The following GIMAP8 variants were observed in gnomAD, a reference collection of about 807,000 sequenced individuals.
The protein encoded by GIMAP8 is GTPase IMAP family member 8.
Under a neutral mutation model 35.6 loss-of-function variants are expected in GIMAP8, and 29 were observed. The ratio of observed to expected loss-of-function variants is 0.81; its 90% CI spans 0.61 to 1.11. The LOEUF (loss-of-function observed/expected upper bound fraction) is 1.11. Among genes scored for constraint, GIMAP8 ranks in the 50% most tolerant of loss-of-function variants. GIMAP8 has a pLI of 0.00. For synonymous variants in GIMAP8, 335 were observed against 308.7 expected (o/e 1.09, Z -0.89); for missense variants, 811 against 805.0 (o/e 1.01, Z -0.09).
At chr7:150,475,266 A>C (rs1802203326) in intron 4 of GIMAP8, among the ~76,000 whole-genome samples, 1 of 152,160 alleles carries the variant, frequency 6.6e-6, no homozygotes, top group South Asian at 2.1e-4. Flanking sequence ...ACCTGTACCT[A>C]AAATAAAAGT....
chr7:150,469,912 C>T (rs753094506), intron 2 of GIMAP8, among the ~76,000 whole-genome samples: 4 of 152,152 alleles, frequency 2.6e-5, no homozygotes, highest in Non-Finnish European at 4.4e-5. Flanking sequence ...TACAGATGTA[C>T]AGAATGCATT....
At chr7:150,474,952 C>T (rs1802194164) in intron 4 of GIMAP8, among the ~76,000 whole-genome samples, 1 of 151,718 alleles carries the variant, frequency 6.6e-6, no homozygotes, top group Non-Finnish European at 1.5e-5. Context: ...TCAATTCCCA[C>T]CTATGAGTGA....
rs150434802 is a variant in GIMAP8, at chr7:150,475,853, C to A, written c.1309+1215C>A. Among the ~76,000 whole-genome samples, 66 of 152,190 alleles carry A rather than the reference C, an allele frequency of 4.3e-4. No homozygotes were observed. The East Asian group carries it at 0.01, about 24-fold the overall frequency. Reference sequence around the variant, plus strand: ...GAAGATATTCCAGAGAGTACACCAGCAATTTGAAGCAAAGAGGTAGGACTA... The same window carrying A: ...GAAGATATTCCAGAGAGTACACCAGAAATTTGAAGCAAAGAGGTAGGACTA... On this transcript the variant is annotated intron_variant, in intron 4 of 4. Transcript: ENST00000307271.
chr7:150,457,782 A>G (rs1801760754), intron 1 of GIMAP8, among the ~76,000 whole-genome samples: 1 of 152,248 alleles, frequency 6.6e-6, no homozygotes, highest in African/African-American at 2.4e-5. Flanking sequence ...CCCCTGTCAG[A>G]TTGGCAAGAT....
Position 150,474,120 on chromosome 7 carries a change from G to A in GIMAP8, c.791G>A (p.Gly264Glu), listed in dbSNP as rs1165066384. The change falls in exon 4 of 5, where the codon GGA becomes GAA. Residue 264 changes from glycine (G) to glutamate (E), a missense_variant. Transcript: ENST00000307271. ...GKRGAGKSAA[G>E]NSILGRQAFQ... is the part of the protein sequence containing the mutation. Reference sequence around the variant, plus strand: ...CGCGGTGCTGGAAAAAGTGCAGCAGGAAACAGCATTCTGGGGAGGCAGGCC... The same window carrying A: ...CGCGGTGCTGGAAAAAGTGCAGCAGAAAACAGCATTCTGGGGAGGCAGGCC... The A allele has an allele frequency of 6.2e-7, 1 of 1,614,184 alleles. No homozygotes were observed. Among genetic ancestry groups the A allele is most frequent in the Non-Finnish European group, 8.5e-7 (1 of 1,180,040 alleles).
chr7:150,472,156 G>A lies in GIMAP8; in HGVS notation c.682+1282G>A, dbSNP rs905219676. On this transcript the variant is annotated intron_variant, in intron 3 of 4. Transcript: ENST00000307271. This position sits in a 1 kb window ranked among gnomAD's most constrained non-coding sequence, Gnocchi z 4.1. ...CTGTGAGGGCCCAGCACACCATGGG[G>A]AGTCACAGGGCTGTCAGAAACAGGG... 2.0e-5 allele frequency among the ~76,000 whole-genome samples: 3 copies of A among 152,190 alleles called. No homozygotes were observed. Among genetic ancestry groups the A allele is most frequent in the African/African-American group, 7.2e-5 (3 of 41,440 alleles).
Position 150,477,322 on chromosome 7 carries a change from G to T in GIMAP8, c.1540G>T (p.Val514Phe), listed in dbSNP as rs774035331. 1 of 1,614,018 alleles carries T rather than the reference G, an allele frequency of 6.2e-7. No individual in the cohort carries two copies. Among genetic ancestry groups the T allele is most frequent in the Non-Finnish European group, 8.5e-7 (1 of 1,179,984 alleles). ...GGACCCATCCCGGTTAGAAGAGGAG[G>T]TCAAGCGCTGTTTGTCCTGCTGTGA... ...EKDPSRLEEE[V>F]KRCLSCCEKG... Residue 514 changes from valine (V) to phenylalanine (F), a missense_variant, in exon 5 of 5, where the codon GTC becomes TTC. Physicochemically the swap from Val to Phe is conservative, Grantham distance 50 (BLOSUM62 -1). Transcript: ENST00000307271.
At position 150,477,680 on chromosome 7, in the gene GIMAP8, A is replaced by G; in HGVS notation, c.1898A>G (p.Tyr633Cys). 2.5e-6 allele frequency: 4 copies of G among 1,614,228 alleles called. No homozygotes were observed. The highest frequency in any genetic ancestry group is 3.4e-6 in the Non-Finnish European group (4 of 1,180,030). The change falls in exon 5 of 5, where the codon TAT becomes TGT. Residue 633 changes from tyrosine (Y) to cysteine (C), a missense_variant. Transcript: ENST00000307271. ...AGAAAAGAAAGTGGGTGGTCCGGGT[A>G]TCCCCATACACAGGAGAACGTCAGC... is the stretch of plus-strand genomic sequence containing the variant. ...DLRKESGWSG[Y>C]PHTQENVSKL...
chr7:150,456,818 C>G (rs1447007915), intron 1 of GIMAP8, among the ~76,000 whole-genome samples: 1 of 152,166 alleles, frequency 6.6e-6, no homozygotes, highest in South Asian at 2.1e-4. Context: ...TTGCCTACCT[C>G]ATACTATACA....
chr7:150,462,557 G>A (rs756072191), intron 1 of GIMAP8, among the ~76,000 whole-genome samples: 2 of 152,110 alleles, frequency 1.3e-5, no homozygotes, highest in African/African-American at 2.4e-5. Flanking sequence ...GTTTTTGTTT[G>A]TATGGGAAAG....
At position 150,470,844 on chromosome 7, in the gene GIMAP8, G is replaced by A. The variant is rs754782244; in HGVS notation, c.652G>A (p.Ala218Thr). The change falls in exon 3 of 5, where the codon GCT becomes ACT. Residue 218 changes from alanine (A) to threonine (T), a missense_variant. By Grantham distance (58) the Ala-to-Thr change is moderately conservative. Coordinates refer to ENST00000307271, the MANE Select transcript of GIMAP8 (RefSeq NM_175571.4). ...TATTTTCTAGGATTGTGTGAATGAA[G>A]CTGCATCTCAAGAGGGAGACAAGCC... The part of the protein sequence containing the change: ...GSRFQDCVNE[A>T]ASQEGDKPQG... 1.9e-6 allele frequency: 3 copies of A among 1,583,290 alleles called. No individual in the cohort carries two copies. Among genetic ancestry groups the A allele is most frequent in the Non-Finnish European group, 2.6e-6 (3 of 1,161,768 alleles).
At chr7:150,463,388 T>C (rs191385430) in intron 1 of GIMAP8, among the ~76,000 whole-genome samples, 13 of 152,360 alleles carry the variant, frequency 8.5e-5, no homozygotes, top group East Asian at 3.9e-4. Context: ...TTGAGTTCCT[T>C]TGGAGATACT....
intron 1 of GIMAP8, among the ~76,000 whole-genome samples, chr7:150,464,159 G>C (rs747065441): frequency 1.1e-3 from 167 of 152,268 alleles, no homozygotes; most frequent in Middle Eastern, 3.4e-3. Context: ...GTTTACATTA[G>C]CTTCAGATGG....
rs756911801 is a variant in GIMAP8, at chr7:150,467,232, G to A, written c.534G>A (p.Gln178=). ...FNNKTNSKDE[Q]ITQVLELLRK... ...ACAAGACCAATAGTAAGGATGAGCA[G>A]ATCACCCAGGTGTTGGAGCTCCTTC... Residue 178 remains glutamine, a synonymous_variant, in exon 2 of 5, where the codon CAG becomes CAA. Coordinates refer to ENST00000307271, the MANE Select transcript of GIMAP8 (RefSeq NM_175571.4). The A allele has an allele frequency of 1.2e-6, 2 of 1,614,254 alleles. No individual in the cohort carries two copies. Among genetic ancestry groups the A allele is most frequent in the Non-Finnish European group, 1.7e-6 (2 of 1,180,044 alleles).
chr7:150,476,470 C>T (rs1270025407), intron 4 of GIMAP8, among the ~76,000 whole-genome samples: 3 of 152,200 alleles, frequency 2.0e-5, no homozygotes, highest in Non-Finnish European at 4.4e-5. Context: ...TATAACCATG[C>T]GGTTTCTTCT....
intron 1 of GIMAP8, among the ~76,000 whole-genome samples, chr7:150,465,368 T>C (rs1181965696): frequency 1.3e-5 from 2 of 152,150 alleles, no homozygotes; most frequent in Non-Finnish European, 2.9e-5. Context: ...GGATCCCTGG[T>C]GTAACCCTGT....
intron 4 of GIMAP8, among the ~76,000 whole-genome samples, chr7:150,476,308 TCA>T (rs956046090): frequency 6.6e-6 from 1 of 152,252 alleles, no homozygotes; most frequent in Non-Finnish European, 1.5e-5. Flanking sequence ...CACTGGACTG[TCA>T]CAGTGCAAGT....
In GIMAP8 at chr7:150,466,769, G is replaced by A; in HGVS notation, c.71G>A (p.Ser24Asn). The stretch of plus-strand genomic sequence containing the variant: ...CTGGGAAAATGCCGCTCGGGAAAAA[G>A]TGCCACAGGAAATGCCATTCTGGGC... ...LLLGKCRSGK[S>N]ATGNAILGKH... Residue 24 changes from serine to asparagine, a missense_variant, in exon 2 of 5, where the codon AGT (serine) becomes AAT (asparagine). Coordinates refer to ENST00000307271, the MANE Select transcript of GIMAP8 (RefSeq NM_175571.4). 1 of 1,614,218 alleles carries A rather than the reference G, an allele frequency of 6.2e-7. No homozygotes were observed. The highest frequency in any genetic ancestry group is 8.5e-7 in the Non-Finnish European group (1 of 1,180,024).
In GIMAP8 at chr7:150,474,133, G is replaced by A. The variant is rs769508273; in HGVS notation, c.804G>A (p.Leu268=). The A allele has an allele frequency of 6.2e-7, 1 of 1,614,156 alleles. No individual in the cohort carries two copies. Among genetic ancestry groups the A allele is most frequent in the South Asian group, 1.1e-5 (1 of 91,082 alleles). Residue 268 remains leucine (L), a synonymous_variant, in exon 4 of 5, where the codon CTG becomes CTA. Transcript: ENST00000307271. ...AAAGTGCAGCAGGAAACAGCATTCT[G>A]GGGAGGCAGGCCTTTCAGACCGGAT... ...AGKSAAGNSI[L]GRQAFQTGFS...
Sources: allele counts gnomAD v4.1 joint callset (sites outside exome capture counted in the v4.1 genomes callset), GRCh38; gene constraint gnomAD v4.1.1; non-coding constraint Gnocchi (gnomAD v3.1); transcripts MANE v1.5; gene names NCBI Gene and HGNC (gene_info 2026-07-23, HGNC 2026-07-21).